The following BAIAP2 variants were observed in gnomAD, a reference collection of about 807,000 sequenced individuals.
BAIAP2 encodes the protein BAR/IMD domain containing adaptor protein 2, also known as BAR/IMD domain-containing adapter protein 2.
BAIAP2 carries 18 observed loss-of-function variants against 63.0 expected under a neutral mutation model. The ratio of observed to expected loss-of-function variants is 0.29; its 90% CI spans 0.20 to 0.42. The LOEUF (loss-of-function observed/expected upper bound fraction) is 0.42, where lower values mean the gene tolerates loss of function less well. BAIAP2 is among the 10% of genes least tolerant of loss of function. BAIAP2 has a pLI of 1.00. For missense variants in BAIAP2, 610 were observed against 734.3 expected (o/e 0.83, Z 1.96); for synonymous variants, 386 against 307.6 (o/e 1.25, Z -2.67).
chr17:81,111,950 C>T (rs1432177241), intron 13 of BAIAP2, among the ~76,000 whole-genome samples: 2 of 152,276 alleles, frequency 1.3e-5, no homozygotes, highest in Admixed American at 1.3e-4. Flanking sequence ...CCACGGGCAG[C>T]CAGGCCACAG....
intron 6 of BAIAP2, among the ~76,000 whole-genome samples, chr17:81,092,611 C>T (rs747275539): frequency 1.3e-5 from 2 of 152,216 alleles, no homozygotes; most frequent in Non-Finnish European, 2.9e-5. Context: ...AGTTATAGGT[C>T]AGGGCACTGG....
intron 1 of BAIAP2, among the ~76,000 whole-genome samples, chr17:81,051,394 T>C (rs536090399): frequency 3.4e-4 from 51 of 151,944 alleles, no homozygotes; most frequent in Non-Finnish European, 6.3e-4. Context: ...GTTTGTTTTG[T>C]TTTTTTGTAT....
chr17:81,116,518 C>G lies in BAIAP2; in HGVS notation c.*679C>G, dbSNP rs1476334843. 1 of 640,782 alleles carries G rather than the reference C, an allele frequency of 1.6e-6. No individual in the cohort carries two copies. Among genetic ancestry groups the G allele is most frequent in the Admixed American group, 3.0e-5 (1 of 33,170 alleles). 39.7% of individuals were successfully genotyped at this position (640,782 alleles called of 1,614,324 possible). A position where few individuals can be genotyped will look rare whatever the true frequency, so the allele number is the denominator to read the frequency against. ...ATCCAGAACCTTGCTGCCAGGGCCT[C>G]CCAGCTCGCTCCTGCGGCCAAAGGC... On this transcript the variant is annotated 3_prime_UTR_variant, in exon 14 of 14. Transcript: ENST00000428708.
chr17:81,097,878 C>T (rs2057898979), intron 6 of BAIAP2, among the ~76,000 whole-genome samples: 1 of 152,218 alleles, frequency 6.6e-6, no homozygotes, highest in South Asian at 2.1e-4. Context: ...ACCAGCCACC[C>T]ACAGCCTCAT....
chr17:81,097,977 TG>T (rs1250191707), intron 6 of BAIAP2: 13 of 566,280 alleles, frequency 2.3e-5, no homozygotes, highest in Admixed American at 8.7e-5. Flanking sequence ...ACTGTCGGGC[TG>T]GGGTTCTGGA....
At chr17:81,086,211 C>CAG (rs2055609577) in intron 5 of BAIAP2, among the ~76,000 whole-genome samples, 2 of 147,488 alleles carry the variant, frequency 1.4e-5, no homozygotes, top group Admixed American at 1.4e-4. Context: ...CTTGGGCGAC[C>CAG]AGAGAGCTGC....
rs6146169 is a variant in BAIAP2, at chr17:81,093,078, C to CCTGGGCTGGG, written c.489+6542_489+6551dup. The stretch of plus-strand genomic sequence containing the variant: ...TGGGAGGCGAGTGGCCCACCCACTC[C>CCTGGGCTGGG]CTGGGCTGGGCTGGGCTGGGCTGGG... On this transcript the variant is annotated intron_variant, in intron 6 of 13. Coordinates refer to ENST00000428708, the MANE Select transcript of BAIAP2 (RefSeq NM_001144888.2). 8.9e-3 allele frequency among the ~76,000 whole-genome samples: 1,313 copies of CCTGGGCTGGG among 147,448 alleles called. 16 individuals carry two copies. The highest frequency in any genetic ancestry group is 0.024 in the African/African-American group (938 of 39,436).
At chr17:81,086,015 G>A (rs769522062) in intron 5 of BAIAP2, among the ~76,000 whole-genome samples, 4 of 152,218 alleles carry the variant, frequency 2.6e-5, no homozygotes, top group African/African-American at 4.8e-5. Context: ...GGGGAGTGCA[G>A]GAGCTCCTTC....
At chr17:81,060,381 A>G (rs1434784460) in intron 3 of BAIAP2, among the ~76,000 whole-genome samples, 1 of 152,170 alleles carries the variant, frequency 6.6e-6, no homozygotes, top group Non-Finnish European at 1.5e-5. Flanking sequence ...CCTGGCAGCC[A>G]CACCACTGTG....
At chr17:81,071,287 C>A (rs538099651) in intron 3 of BAIAP2, among the ~76,000 whole-genome samples, 58 of 152,226 alleles carry the variant, frequency 3.8e-4, no homozygotes, top group Middle Eastern at 3.4e-3. Flanking sequence ...TGGATCTGGT[C>A]CCCTGGCCCC....
chr17:81,073,431 G>A (rs2053061796), intron 3 of BAIAP2, among the ~76,000 whole-genome samples: 2 of 152,210 alleles, frequency 1.3e-5, no homozygotes, highest in South Asian at 2.1e-4. Context: ...TCACCAAGCT[G>A]GTCTCGGGCC....
intron 3 of BAIAP2, among the ~76,000 whole-genome samples, chr17:81,068,209 C>T (rs1178181698): frequency 2.6e-5 from 4 of 152,238 alleles, no homozygotes; most frequent in African/African-American, 9.6e-5. Context: ...CTCCTGTTTG[C>T]ATCTTGTAGG....
chr17:81,046,717 C>G lies in BAIAP2; in HGVS notation c.55-6951C>G, dbSNP rs1020083493. The stretch of plus-strand genomic sequence containing the variant: ...GACACTGTCCACTGCTGCAGGGCCC[C>G]TCCTGTACCTCCCTAGTCCATGCTG... On this transcript the variant is annotated intron_variant, in intron 1 of 13. Transcript: ENST00000428708. The surrounding 1 kb of genome is among the most constrained non-coding windows in gnomAD (Gnocchi z 4.5). Among the ~76,000 whole-genome samples the G allele has an allele frequency of 6.6e-6, 1 of 152,246 alleles. No individual in the cohort carries two copies. The highest frequency in any genetic ancestry group is 1.5e-5 in the Non-Finnish European group (1 of 68,040).
rs762016795 is a variant in BAIAP2, at chr17:81,085,715, G to C, written c.341G>C (p.Arg114Thr). 6.2e-6 allele frequency: 10 copies of C among 1,613,334 alleles called. No homozygotes were observed. The highest frequency in any genetic ancestry group is 8.5e-6 in the Non-Finnish European group (10 of 1,179,836). Residue 114 changes from arginine (R) to threonine (T), a missense_variant, in exon 5 of 14, where the codon AGG becomes ACG. Arg to Thr is a moderately conservative substitution (Grantham distance 71). Coordinates refer to ENST00000428708, the MANE Select transcript of BAIAP2 (RefSeq NM_001144888.2). The part of the protein sequence containing the change: ...QLEQKVELDS[R>T]YLSAALKKYQ... ...GAGCAGAAGGTGGAGCTGGACTCCAGGTATCTGAGTGTAAGTGCACCCTGG... is the reference window on the plus strand; with the variant it reads ...GAGCAGAAGGTGGAGCTGGACTCCACGTATCTGAGTGTAAGTGCACCCTGG...
intron 3 of BAIAP2, among the ~76,000 whole-genome samples, chr17:81,059,787 TGAG>T (rs760457958): frequency 6.6e-6 from 1 of 152,034 alleles, no homozygotes; most frequent in Non-Finnish European, 1.5e-5. Flanking sequence ...AACCAGGTGT[TGAG>T]GAGATGAGGT....
At chr17:81,057,159 C>G (rs571525108) in intron 2 of BAIAP2, among the ~76,000 whole-genome samples, 43 of 152,314 alleles carry the variant, frequency 2.8e-4, no homozygotes, top group African/African-American at 1.0e-3. Flanking sequence ...TTTCTGCGGC[C>G]TGGAGGTCAG....
Position 81,115,763 on chromosome 17 carries a change from C to G in BAIAP2, c.1536-7C>G. The stretch of plus-strand genomic sequence containing the variant: ...CTAAAAATTAAAACCACGTTTTTCT[C>G]TTTCAGGAATCCCTTTGCCCACGTC... On this transcript the variant is annotated splice_region_variant and splice_polypyrimidine_tract_variant and intron_variant, in intron 13 of 13. Coordinates refer to ENST00000428708, the MANE Select transcript of BAIAP2 (RefSeq NM_001144888.2). 6.2e-7 allele frequency: 1 copy of G among 1,613,572 alleles called. No homozygotes were observed. The highest frequency in any genetic ancestry group is 8.5e-7 in the Non-Finnish European group (1 of 1,180,012).
Position 81,046,712 on chromosome 17 carries a change from G to A in BAIAP2, c.55-6956G>A, listed in dbSNP as rs1175310147. 1.3e-5 allele frequency among the ~76,000 whole-genome samples: 2 copies of A among 152,186 alleles called. No homozygotes were observed. The highest frequency in any genetic ancestry group is 2.9e-5 in the Non-Finnish European group (2 of 68,020). On this transcript the variant is annotated intron_variant, in intron 1 of 13. Transcript: ENST00000428708. This position sits in a 1 kb window ranked among gnomAD's most constrained non-coding sequence, Gnocchi z 4.5. ...GCGAGGACACTGTCCACTGCTGCAG[G>A]GCCCCTCCTGTACCTCCCTAGTCCA...
chr17:81,054,407 G>A (rs1368733383), intron 2 of BAIAP2, among the ~76,000 whole-genome samples: 1 of 152,164 alleles, frequency 6.6e-6, no homozygotes, highest in African/African-American at 2.4e-5. Flanking sequence ...GGTCAGGAGC[G>A]AAAGGAGGTC....
Sources: gnomAD v4.1 joint callset for allele counts (sites outside exome capture counted in the v4.1 genomes callset) on GRCh38, gnomAD v4.1.1 for gene constraint, Gnocchi (gnomAD v3.1) non-coding constraint, MANE v1.5 for transcripts, NCBI Gene and HGNC (gene_info 2026-07-23, HGNC 2026-07-21) for gene names.